CAMTA1: variants seen among roughly 807,000 people sequenced by gnomAD.
CAMTA1 encodes calmodulin-binding transcription activator 1.
In CAMTA1, 27 loss-of-function variants were observed where a neutral mutation model predicts 170.9. That is an observed-to-expected ratio of 0.16 (90% CI 0.12 to 0.22). CAMTA1 has a LOEUF of 0.22. CAMTA1 is among the 10% of genes least tolerant of loss of function. The pLI, the probability that CAMTA1 is intolerant of heterozygous loss-of-function variation, is 1.00. For missense variants in CAMTA1, 1,619 were observed against 2,217.2 expected (o/e 0.73, Z 5.42); for synonymous variants, 833 against 891.5 (o/e 0.93, Z 1.17).
intron 5 of CAMTA1, among the ~76,000 whole-genome samples, chr1:7,340,269 T>C (rs192665626): frequency 2.6e-4 from 39 of 152,320 alleles, no homozygotes; most frequent in African/African-American, 8.4e-4. Flanking sequence ...TGTCATTTTC[T>C]CTTCTCTGGA....
intron 20 of CAMTA1, 84 bp from the exon 21 acceptor site, chr1:7,752,375 A>G: frequency 8.8e-7 from 1 of 1,137,144 alleles, no homozygotes; most frequent in South Asian, 1.2e-5. Flanking sequence ...TGCTTAATTC[A>G]GAGTCCTCTG....
intron 3 of CAMTA1, among the ~76,000 whole-genome samples, chr1:6,962,390 C>T (rs1485510545): frequency 6.7e-6 from 1 of 148,868 alleles, no homozygotes; most frequent in Non-Finnish European, 1.5e-5. Flanking sequence ...TTCCACTCCC[C>T]CTCTGGGCCC....
rs117836862 is a variant in CAMTA1, at chr1:7,316,646, A to G, written c.438+67020A>G. Among the ~76,000 whole-genome samples, 105 of 152,324 alleles carry G rather than the reference A, an allele frequency of 6.9e-4. No individual in the cohort carries two copies. In the East Asian group the frequency reaches 0.014, roughly 21 times the overall value. The stretch of plus-strand genomic sequence containing the variant: ...GTCGCAGATGTTTATATGCCCAGCA[A>G]TCTGCTAGACTGGGGGATGCAGAAA... On this transcript the variant is annotated intron_variant, in intron 5 of 22. Coordinates refer to ENST00000303635, the MANE Select transcript of CAMTA1 (RefSeq NM_015215.4).
At chr1:7,162,689 G>A (rs765387924) in intron 4 of CAMTA1, among the ~76,000 whole-genome samples, 7 of 152,102 alleles carry the variant, frequency 4.6e-5, no homozygotes, top group Non-Finnish European at 7.4e-5. Flanking sequence ...TGGAGGGACC[G>A]TATTTCATTT....
At chr1:7,452,431 C>T (rs2092848843) in intron 5 of CAMTA1, among the ~76,000 whole-genome samples, 1 of 152,216 alleles carries the variant, frequency 6.6e-6, no homozygotes, top group Non-Finnish European at 1.5e-5. Flanking sequence ...AGCATTAGTA[C>T]ATTTACAGTG....
At chr1:7,120,609 C>T (rs1201730236) in intron 4 of CAMTA1, among the ~76,000 whole-genome samples, 2 of 152,184 alleles carry the variant, frequency 1.3e-5, no homozygotes, top group Non-Finnish European at 2.9e-5. Flanking sequence ...ACATTCTGCC[C>T]ACATTTGGGG....
chr1:7,250,047 T>C lies in CAMTA1; in HGVS notation c.438+421T>C, dbSNP rs181206144. Among the ~76,000 whole-genome samples the C allele has an allele frequency of 3.8e-3, 576 of 151,160 alleles. 5 individuals are homozygous for C. Among genetic ancestry groups the C allele is most frequent in the African/African-American group, 0.013 (544 of 40,536 alleles). ...TGGCAGGCCCCTCACAGAGCCTGGC[T>C]TCACCCCCTCCACCGACAAACCCTG... is the stretch of plus-strand genomic sequence containing the variant. On this transcript the variant is annotated intron_variant, in intron 5 of 22. Coordinates refer to ENST00000303635, the MANE Select transcript of CAMTA1 (RefSeq NM_015215.4).
intron 7 of CAMTA1, among the ~76,000 whole-genome samples, chr1:7,647,864 A>T (rs929288649): frequency 1.3e-5 from 2 of 152,244 alleles, no homozygotes; most frequent in African/African-American, 4.8e-5. Flanking sequence ...CAGGAGGGTT[A>T]CTTGAGCCCA....
At chr1:7,099,292 C>A (rs986391618) in intron 4 of CAMTA1, among the ~76,000 whole-genome samples, 1 of 152,168 alleles carries the variant, frequency 6.6e-6, no homozygotes, top group African/African-American at 2.4e-5. Flanking sequence ...CTCAAGTGAT[C>A]TGCCCGCCTC....
intron 11 of CAMTA1, chr1:7,698,269 G>A (rs1333654156): frequency 6.6e-6 from 1 of 152,154 alleles, no homozygotes; most frequent in African/African-American, 2.4e-5. Flanking sequence ...ACTAATGATA[G>A]CTGATTAGGT....
At position 6,841,201 on chromosome 1, in the gene CAMTA1, C is replaced by T. The variant is rs1039692195; in HGVS notation, c.234+15991C>T. Among the ~76,000 whole-genome samples, 5 of 152,306 alleles carry T rather than the reference C, an allele frequency of 3.3e-5. No individual in the cohort carries two copies. In the East Asian group the frequency reaches 9.6e-4, roughly 29 times the overall value. ...GCCTCTTTCTTCCACTTTTAAGGAC[C>T]CTTTTAATTACGCCGAGTCCACCTG... On this transcript the variant is annotated intron_variant, in intron 3 of 22. Coordinates refer to ENST00000303635, the MANE Select transcript of CAMTA1 (RefSeq NM_015215.4).
intron 4 of CAMTA1, among the ~76,000 whole-genome samples, chr1:7,140,358 G>A (rs1645820040): frequency 6.6e-6 from 1 of 152,090 alleles, no homozygotes; most frequent in Admixed American, 6.6e-5. Flanking sequence ...ACTTTAATTT[G>A]CACATAACAT....
chr1:7,245,231 T>C (rs1036419995), intron 4 of CAMTA1, among the ~76,000 whole-genome samples: 2 of 150,520 alleles, frequency 1.3e-5, no homozygotes, highest in Non-Finnish European at 3.0e-5. Context: ...CACACACACA[T>C]ACATACATAC....
intron 11 of CAMTA1, among the ~76,000 whole-genome samples, chr1:7,703,426 A>AGTGG (rs1395572240): frequency 6.6e-6 from 1 of 152,178 alleles, no homozygotes; most frequent in African/African-American, 2.4e-5. Context: ...TCAGGTTTAC[A>AGTGG]GTGGGTGGCA....
intron 5 of CAMTA1, among the ~76,000 whole-genome samples, chr1:7,340,762 ATCCATC>A (rs2083768962): frequency 6.6e-6 from 1 of 151,334 alleles, no homozygotes; most frequent in South Asian, 2.1e-4. Flanking sequence ...CCATCCATCC[ATCCATC>A]CATACACTGT....
At position 7,769,070 on chromosome 1, in the gene CAMTA1, G is replaced by C. The variant is rs923992207; in HGVS notation, c.*2579G>C. 3.3e-5 allele frequency: 5 copies of C among 152,528 alleles called. No individual in the cohort carries two copies. The highest frequency in any genetic ancestry group is 1.9e-4 in the East Asian group (1 of 5,326). 9.4% of individuals were successfully genotyped at this position (152,528 alleles called of 1,614,324 possible). ...ACGTTAGAAAATGACAGATGGTAGA[G>C]ACTTCCATAGAATTAAGAGGGTTCT... On this transcript the variant is annotated 3_prime_UTR_variant, in exon 23 of 23. Coordinates refer to ENST00000303635, the MANE Select transcript of CAMTA1 (RefSeq NM_015215.4).
intron 5 of CAMTA1, among the ~76,000 whole-genome samples, chr1:7,323,612 TC>T (rs1488068941): frequency 4.8e-5 from 7 of 146,966 alleles, no homozygotes; most frequent in Non-Finnish European, 1.0e-4. Context: ...AGCCTCCACT[TC>T]CCAGGTTCAA....
chr1:7,161,222 ATC>A (rs1412813886), intron 4 of CAMTA1, among the ~76,000 whole-genome samples: 1 of 151,956 alleles, frequency 6.6e-6, no homozygotes, highest in Non-Finnish European at 1.5e-5. Context: ...CATTCCTTTC[ATC>A]TCTCTGTGCC....
At chr1:7,424,887 G>A (rs908611600) in intron 5 of CAMTA1, among the ~76,000 whole-genome samples, 2 of 152,072 alleles carry the variant, frequency 1.3e-5, no homozygotes, top group Non-Finnish European at 2.9e-5. Context: ...TGTCATGGTG[G>A]CGCTCATCCT....
Sources: allele counts gnomAD v4.1 joint callset (sites outside exome capture counted in the v4.1 genomes callset), GRCh38; gene constraint gnomAD v4.1.1; transcripts MANE v1.5; gene names NCBI Gene and HGNC (gene_info 2026-07-23, HGNC 2026-07-21).